ZC3H13: variants seen among roughly 807,000 people sequenced by gnomAD.
ZC3H13 encodes the protein zinc finger CCCH domain-containing protein 13.
In ZC3H13, 64 loss-of-function variants were observed where a neutral mutation model predicts 204.1. That is an observed-to-expected ratio of 0.31 (90% CI 0.26 to 0.39). The LOEUF is 0.39. Among genes scored for constraint, ZC3H13 ranks in the 10% least tolerant of loss-of-function variants. ZC3H13 has a pLI of 1.00. For synonymous variants in ZC3H13, 667 were observed against 693.7 expected (o/e 0.96, Z 0.60); for missense variants, 1,833 against 2,082.7 (o/e 0.88, Z 2.33).
Position 46,011,570 on chromosome 13 carries a change from G to A in ZC3H13, c.449-16C>T. The A allele has an allele frequency of 6.5e-7, 1 of 1,535,068 alleles. No individual in the cohort carries two copies. The highest frequency in any genetic ancestry group is 8.8e-7 in the Non-Finnish European group (1 of 1,141,966). ...TTGTCAGAATCTTTAAAATAAAATT[G>A]CATTACTGTTAGAAACTAGCATAAT... On this transcript the variant is annotated splice_polypyrimidine_tract_variant and intron_variant, in intron 5 of 18. Coordinates refer to ENST00000679008, the MANE Select transcript of ZC3H13 (RefSeq NM_001330564.2).
chr13:46,000,734 T>C (rs935059439), intron 8 of ZC3H13, among the ~76,000 whole-genome samples: 18 of 152,228 alleles, frequency 1.2e-4, no homozygotes, highest in Non-Finnish European at 5.9e-5. Flanking sequence ...TTCCTTTGCA[T>C]TCACAACTTA....
chr13:46,026,004 C>T (rs2042522101), intron 4 of ZC3H13, among the ~76,000 whole-genome samples: 1 of 151,782 alleles, frequency 6.6e-6, no homozygotes, highest in Non-Finnish European at 1.5e-5. Context: ...ATATATATAC[C>T]TAATATTTTG....
At chr13:46,046,457 G>C (rs1380061191) in intron 1 of ZC3H13, among the ~76,000 whole-genome samples, 10 of 141,112 alleles carry the variant, frequency 7.1e-5, no homozygotes, top group Admixed American at 1.5e-4. Flanking sequence ...AGGAGATCGA[G>C]ACCATCCTGG....
At chr13:46,043,685 C>A (rs1008524574) in intron 3 of ZC3H13, among the ~76,000 whole-genome samples, 4 of 151,710 alleles carry the variant, frequency 2.6e-5, no homozygotes, top group African/African-American at 9.7e-5. Context: ...TGCACAAATA[C>A]GAAAGAAGTT....
Position 45,985,708 on chromosome 13 carries a change from C to A in ZC3H13, c.1309G>T (p.Glu437Ter). ...EKDSREEREY[E>*]QDQSSSRDHR... ...TCTCTAGAAGAGCTCTGATCCTGTT[C>A]ATATTCTCGTTCTTCTCTTGAGTCC... Residue 437 changes from glutamate (E) to a stop codon, truncating the protein, a stop_gained, in exon 10 of 19, where the codon GAA becomes TAA. Transcript: ENST00000679008. LOFTEE classifies it high-confidence loss of function. 1 of 1,613,708 alleles carries A rather than the reference C, an allele frequency of 6.2e-7. No individual in the cohort carries two copies. Among genetic ancestry groups the A allele is most frequent in the Non-Finnish European group, 8.5e-7 (1 of 1,179,914 alleles).
Position 45,965,419 on chromosome 13 carries a change from C to T in ZC3H13, c.4335G>A (p.Glu1445=). Residue 1445 remains glutamate, a synonymous_variant, in exon 16 of 19, where the codon GAG becomes GAA. Transcript: ENST00000679008. ...ATGAATGTGCATCATCTAACTTGGA[C>T]TCGTCATCTCCTGCTAAATAGACAA... ...RTESLEAGDD[E]SKLDDAHSLG... is the part of the protein sequence containing the mutation. The T allele has an allele frequency of 6.2e-7, 1 of 1,613,012 alleles. No homozygotes were observed. Among genetic ancestry groups the T allele is most frequent in the Non-Finnish European group, 8.5e-7 (1 of 1,179,474 alleles).
chr13:45,963,325 T>C, intron 17 of ZC3H13: 1 of 986,624 alleles, frequency 1.0e-6, no homozygotes, highest in Non-Finnish European at 1.2e-6. Context: ...ACCCAATTTC[T>C]TTAGACATGA....
chr13:46,049,017 C>A (rs9534296), intron 1 of ZC3H13, among the ~76,000 whole-genome samples: 117,206 of 151,716 alleles, frequency 0.77, 45,640 homozygotes, highest in African/African-American at 0.86. Flanking sequence ...CTGGGTGTGG[C>A]GGTGCACGCC....
rs538936878 is a variant in ZC3H13, at chr13:45,978,818, T to C, written c.1912+995A>G. 5.3e-5 allele frequency among the ~76,000 whole-genome samples: 8 copies of C among 152,134 alleles called. No individual in the cohort carries two copies. In the East Asian group the frequency reaches 7.7e-4, roughly 15 times the overall value. ...AAATTTCAGATATCAACACAGAACATAGAAACTCCAGCCCTATCTGTAACT... is the reference window on the plus strand; with the variant it reads ...AAATTTCAGATATCAACACAGAACACAGAAACTCCAGCCCTATCTGTAACT... On this transcript the variant is annotated intron_variant, in intron 11 of 18. Transcript: ENST00000679008.
At chr13:46,013,658 C>CAA (rs909621965) in intron 5 of ZC3H13, among the ~76,000 whole-genome samples, 7 of 152,070 alleles carry the variant, frequency 4.6e-5, no homozygotes, top group African/African-American at 1.7e-4. Flanking sequence ...AATTCAAAAA[C>CAA]AAGAGTCTGA....
At chr13:45,977,130 T>C (rs553891629) in intron 11 of ZC3H13, among the ~76,000 whole-genome samples, 1 of 152,270 alleles carries the variant, frequency 6.6e-6, no homozygotes, top group Admixed American at 6.5e-5. Context: ...ACAGAGATGG[T>C]AGATGCATTA....
intron 5 of ZC3H13, among the ~76,000 whole-genome samples, chr13:46,019,531 T>C (rs2042100300): frequency 6.6e-6 from 1 of 152,168 alleles, no homozygotes. Flanking sequence ...TTACATTAAA[T>C]TGTCCACCCC....
At chr13:46,004,699 T>C (rs1383454436) in intron 7 of ZC3H13, among the ~76,000 whole-genome samples, 1 of 152,142 alleles carries the variant, frequency 6.6e-6, no homozygotes, top group Non-Finnish European at 1.5e-5. Context: ...AATTACATCA[T>C]CTACAAATGA....
intron 10 of ZC3H13, among the ~76,000 whole-genome samples, chr13:45,983,411 A>G (rs1043248208): frequency 4.8e-5 from 1 of 20,644 alleles, no homozygotes; most frequent in Admixed American, 7.7e-4. Context: ...TTATATATAT[A>G]TATTTTTTTT....
intron 4 of ZC3H13, among the ~76,000 whole-genome samples, chr13:46,039,007 G>A (rs993269732): frequency 6.6e-6 from 1 of 152,130 alleles, no homozygotes; most frequent in Non-Finnish European, 1.5e-5. Flanking sequence ...GGGAGACAGG[G>A]TGAGACTCTG....
chr13:45,960,132 T>C (rs1050387349), intron 17 of ZC3H13, among the ~76,000 whole-genome samples: 1 of 151,872 alleles, frequency 6.6e-6, no homozygotes, highest in Non-Finnish European at 1.5e-5. Flanking sequence ...TTTTTTGGTA[T>C]TTTTAGTAGA....
intron 12 of ZC3H13, among the ~76,000 whole-genome samples, chr13:45,972,258 T>C (rs148943655): frequency 0.013 from 1,944 of 151,604 alleles, 20 homozygotes; most frequent in South Asian, 0.026. Flanking sequence ...TAAGTGCCCA[T>C]TGGCCAATGG....
chr13:45,963,398 T>G (rs1239424507), intron 17 of ZC3H13: 2 of 989,548 alleles, frequency 2.0e-6, no homozygotes, highest in African/African-American at 3.5e-5. Flanking sequence ...CACTGAGCAC[T>G]TTGATATTAG....
In ZC3H13 at chr13:45,969,689, G is replaced by C; in HGVS notation, c.2855C>G (p.Ala952Gly). 1.2e-6 allele frequency: 2 copies of C among 1,612,596 alleles called. No homozygotes were observed. The highest frequency in any genetic ancestry group is 1.7e-6 in the Non-Finnish European group (2 of 1,179,812). The change falls in exon 14 of 19, where the codon GCT (alanine) becomes GGT (glycine). Residue 952 changes from alanine (A) to glycine (G), a missense_variant. Ala to Gly is a moderately conservative substitution (Grantham distance 60). Transcript: ENST00000679008. ...QSEDRETSDR[A>G]HDENKKKAKI... The stretch of plus-strand genomic sequence containing the variant: ...TGCTTTCTTCTTGTTTTCATCATGA[G>C]CTCGATCAGATGTCTCTCGATCTTC...
Sources: allele counts gnomAD v4.1 joint callset (sites outside exome capture counted in the v4.1 genomes callset), GRCh38; gene constraint gnomAD v4.1.1; transcripts MANE v1.5; gene names NCBI Gene and HGNC (gene_info 2026-07-23, HGNC 2026-07-21).